Variants in RHOT2 observed in about 807,000 individuals in gnomAD.
The protein encoded by RHOT2 is mitochondrial Rho GTPase 2.
RHOT2 carries 90 observed loss-of-function variants against 81.6 expected under a neutral mutation model. The observed-to-expected ratio is 1.10, with a 90% CI of 0.93 to 1.31. RHOT2 has a LOEUF of 1.31. Among genes scored for constraint, RHOT2 ranks in the 40% most tolerant of loss-of-function variants. The pLI, the probability that RHOT2 is intolerant of heterozygous loss-of-function variation, is 0.00. For missense variants in RHOT2, 1,014 were observed against 841.9 expected, an observed-to-expected ratio of 1.20 and a Z score of -2.53; for synonymous variants, 512 against 370.9, an observed-to-expected ratio of 1.38 and a Z score of -4.37.
At position 672,326 on chromosome 16, in the gene RHOT2, G is replaced by A. The variant is rs1317178478; in HGVS notation, c.1268G>A (p.Gly423Glu). The A allele has an allele frequency of 6.2e-7, 1 of 1,612,358 alleles. No individual in the cohort carries two copies. The highest frequency in any genetic ancestry group is 8.5e-7 in the Non-Finnish European group (1 of 1,179,736). The change falls in exon 15 of 19, where the codon GGG (glycine) becomes GAG (glutamate). Residue 423 changes from glycine (G) to glutamate (E), a missense_variant. Coordinates refer to ENST00000315082, the MANE Select transcript of RHOT2 (RefSeq NM_138769.3). ...AGCGTCCTCCTGTGCAAGGTGGTAG[G>A]GGCCCGTGGAGTGGGCAAGTCTGCC... ...QRSVLLCKVV[G>E]ARGVGKSAFL...
In RHOT2 at chr16:673,855, C is replaced by G; in HGVS notation, c.*249C>G. 1 of 612,400 alleles carries G rather than the reference C, an allele frequency of 1.6e-6. No homozygotes were observed. Among genetic ancestry groups the G allele is most frequent in the Non-Finnish European group, 3.0e-6 (1 of 338,814 alleles). The allele number at this position is 612,400 out of a possible 1,614,324, so 37.9% of individuals were successfully genotyped here. ...AGCAGGAGCTCCCAAGTGCCGGCCA[C>G]CGCTGTCAGGGATTGCCCACCCCTG... On this transcript the variant is annotated 3_prime_UTR_variant, in exon 19 of 19. Coordinates refer to ENST00000315082, the MANE Select transcript of RHOT2 (RefSeq NM_138769.3).
intron 4 of RHOT2, 146 bp downstream of exon 4, chr16:668,845 C>T: frequency 5.1e-6 from 4 of 777,338 alleles, no homozygotes. Flanking sequence ...GTCGGGGCCC[C>T]TACAGCGCAC....
intron 11 of RHOT2, 84 bp downstream of exon 11, chr16:671,287 C>A: frequency 1.4e-6 from 2 of 1,477,200 alleles, no homozygotes; most frequent in Non-Finnish European, 9.0e-7. Context: ...ATGAGTGACG[C>A]TGGGGTTTGA....
chr16:669,157 G>A (rs965794951), intron 4 of RHOT2: 1 of 393,600 alleles, frequency 2.5e-6, no homozygotes, highest in Non-Finnish European at 4.7e-6. Flanking sequence ...TCTGTCTGTA[G>A]CGAGGGGGGA....
In RHOT2 at chr16:672,123, C is replaced by G; in HGVS notation, c.1137C>G (p.His379Gln). The G allele has an allele frequency of 6.2e-7, 1 of 1,612,698 alleles. No individual in the cohort carries two copies. The highest frequency in any genetic ancestry group is 2.2e-5 in the East Asian group (1 of 44,862). Residue 379 changes from histidine (H) to glutamine (Q), a missense_variant, in exon 14 of 19, where the codon CAC (histidine) becomes CAG (glutamine). By Grantham distance (24) the His-to-Gln change is conservative. Transcript: ENST00000315082. ...TGGACGTCCGGAGCTGCCTTGGACA[C>G]CTAGGCTACCTGGGCTACCCCACCC... The part of the protein sequence containing the change: ...TYLDVRSCLG[H>Q]LGYLGYPTLC...
chr16:673,383 C>T (rs2039288891), intron 18 of RHOT2, 97 bp from the exon 19 acceptor site: 3 of 1,566,836 alleles, frequency 1.9e-6, no homozygotes, highest in Non-Finnish European at 2.6e-6. Flanking sequence ...GGATCCCCGC[C>T]TGTGGGGCCC....
chr16:669,102 C>A, intron 4 of RHOT2: 1 of 387,996 alleles, frequency 2.6e-6, no homozygotes, highest in Non-Finnish European at 4.7e-6. Flanking sequence ...CACAGCCACC[C>A]AGGGCAGCCC....
At chr16:669,891 C>T (rs2038627275) in intron 5 of RHOT2, 2 of 613,990 alleles carry the variant, frequency 3.3e-6, no homozygotes, top group South Asian at 4.0e-5. Flanking sequence ...TGGGGGCGGC[C>T]CTAGGCTTGG....
chr16:670,381 G>A (rs781028597), intron 7 of RHOT2, 24 bp downstream of exon 7: 10 of 1,610,016 alleles, frequency 6.2e-6, no homozygotes, highest in South Asian at 2.2e-5. Flanking sequence ...AGGCAGGGCC[G>A]CCTCCTTCAT....
Position 672,239 on chromosome 16 carries a change from T to A in RHOT2, c.1196-15T>A. The A allele has an allele frequency of 6.2e-7, 1 of 1,611,576 alleles. No homozygotes were observed. The highest frequency in any genetic ancestry group is 1.1e-5 in the South Asian group (1 of 91,016). ...GTATCCTGGCAGCTGCCCTAACCCGTGTCTATCCTCACAGTCACTCGTGAG... is the reference window on the plus strand; with the variant it reads ...GTATCCTGGCAGCTGCCCTAACCCGAGTCTATCCTCACAGTCACTCGTGAG... On this transcript the variant is annotated splice_polypyrimidine_tract_variant and intron_variant, in intron 14 of 18. Coordinates refer to ENST00000315082, the MANE Select transcript of RHOT2 (RefSeq NM_138769.3).
intron 15 of RHOT2, 51 bp from the exon 16 acceptor site, chr16:672,438 C>T (rs767745784): frequency 6.2e-7 from 1 of 1,609,880 alleles, no homozygotes; most frequent in Non-Finnish European, 8.5e-7. Flanking sequence ...CAGGGCAGGG[C>T]AATCTGGGGG....
rs1474135104 is a variant in RHOT2, at chr16:673,563, T to TCCTCAGC, written c.1815_1821dup (p.Phe608ProfsTer89). 6.2e-7 allele frequency: 1 copy of TCCTCAGC among 1,612,060 alleles called. No homozygotes were observed. Among genetic ancestry groups the TCCTCAGC allele is most frequent in the African/African-American group, 1.3e-5 (1 of 74,878 alleles). On this transcript the variant is annotated frameshift_variant, in exon 19 of 19. Coordinates refer to ENST00000315082, the MANE Select transcript of RHOT2 (RefSeq NM_138769.3). LOFTEE classifies it high-confidence loss of function. ...GTTGTCGGGGCCGCCGTGGCCGCAG[T>TCCTCAGC]CCTCAGCTTCTCACTCTACAGGGTC...
rs759798078 is a variant in RHOT2 at position 668,613 on chromosome 16, G to A, written c.179-43G>A. The A allele has an allele frequency of 5.0e-6, 8 of 1,609,400 alleles. No individual in the cohort carries two copies. In the South Asian group the frequency reaches 6.6e-5, roughly 13 times the overall value. The stretch of plus-strand genomic sequence containing the variant: ...CGGGGGCCCGGCCCGCAGCGGTCCG[G>A]CGGGCCTGCTGGGTCCGCAGTGGAG... On this transcript the variant is annotated intron_variant, in intron 3 of 18. Transcript: ENST00000315082.
chr16:670,414 C>G (rs759947644), intron 7 of RHOT2, 42 bp from the exon 8 acceptor site: 1 of 1,608,614 alleles, frequency 6.2e-7, no homozygotes, highest in South Asian at 1.1e-5. Context: ...CAGTCGGTGC[C>G]CTCCTCGGGG....
At chr16:669,066 G>C (rs2038439422) in intron 4 of RHOT2, 2 of 403,236 alleles carry the variant, frequency 5.0e-6, no homozygotes, top group Admixed American at 4.3e-5. Context: ...CGTGTGCCGG[G>C]GACATCTCCA....
rs1466345516 is a variant in RHOT2 at position 671,427 on chromosome 16, C to G, written c.869+224C>G. 53 of 708,842 alleles carry G rather than the reference C, an allele frequency of 7.5e-5. No homozygotes were observed. In the East Asian group the frequency reaches 1.2e-3, roughly 17 times the overall value. 43.9% of individuals were successfully genotyped at this position (708,842 alleles called of 1,614,324 possible). On this transcript the variant is annotated intron_variant, in intron 11 of 18. Transcript: ENST00000315082. ...GAGTCGGGGGGTGGGGGGGCTGGCC[C>G]TTTGCCAACCCCGCTCGCGTGGCTT...
rs766532274 is a variant in RHOT2, at chr16:672,574, C to G, written c.1404+8C>G. On this transcript the variant is annotated splice_region_variant and intron_variant, in intron 16 of 18. Coordinates refer to ENST00000315082, the MANE Select transcript of RHOT2 (RefSeq NM_138769.3). ...CAGGAGAAGTACTTGATCGTGAGTGCTGGGGCGGCGCGGCCTGTGCCCGAG... is the reference window on the plus strand; with the variant it reads ...CAGGAGAAGTACTTGATCGTGAGTGGTGGGGCGGCGCGGCCTGTGCCCGAG... 6.2e-7 allele frequency: 1 copy of G among 1,612,050 alleles called. No homozygotes were observed. The highest frequency in any genetic ancestry group is 1.7e-5 in the Admixed American group (1 of 59,994).
chr16:671,468 G>T (rs1009101785), intron 11 of RHOT2, among the ~76,000 whole-genome samples: 1 of 152,196 alleles, frequency 6.6e-6, no homozygotes, highest in East Asian at 1.9e-4. Context: ...CCCTGCTGGG[G>T]TCGGCAGCTT....
At position 671,691 on chromosome 16, in the gene RHOT2, C is replaced by G. The variant is rs765661346; in HGVS notation, c.870-6C>G. ...GGGAGCTAGACGGGCTGTGGCCTCCCTGCAGGATCCACGTGCCCCCCGGCT... is the reference window on the plus strand; with the variant it reads ...GGGAGCTAGACGGGCTGTGGCCTCCGTGCAGGATCCACGTGCCCCCCGGCT... On this transcript the variant is annotated splice_region_variant and splice_polypyrimidine_tract_variant and intron_variant, in intron 11 of 18. Coordinates refer to ENST00000315082, the MANE Select transcript of RHOT2 (RefSeq NM_138769.3). The G allele has an allele frequency of 6.2e-7, 1 of 1,611,252 alleles. No homozygotes were observed. Among genetic ancestry groups the G allele is most frequent in the Non-Finnish European group, 8.5e-7 (1 of 1,178,944 alleles).
Sources: allele counts gnomAD v4.1 joint callset (sites outside exome capture counted in the v4.1 genomes callset), GRCh38; gene constraint gnomAD v4.1.1; transcripts MANE v1.5; gene names NCBI Gene and HGNC (gene_info 2026-07-23, HGNC 2026-07-21).